CC2D1B: variants seen among roughly 807,000 people sequenced by gnomAD.
CC2D1B encodes the protein coiled-coil and C2 domain-containing protein 1B.
A neutral mutation model predicts 110.8 loss-of-function variants in CC2D1B; 92 were observed. The ratio of observed to expected loss-of-function variants is 0.83; its 90% CI spans 0.70 to 0.99. CC2D1B has a LOEUF of 0.99. CC2D1B is among the 50% of genes least tolerant of loss of function. CC2D1B has a pLI of 0.00. For synonymous variants in CC2D1B, 406 were observed against 429.2 expected (o/e 0.95, Z 0.67); for missense variants, 1,136 against 1,089.0 (o/e 1.04, Z -0.61).
chr1:52,359,346 G>A lies in CC2D1B; in HGVS notation c.1030C>T (p.Gln344Ter). 1.2e-6 allele frequency: 2 copies of A among 1,613,468 alleles called. No individual in the cohort carries two copies. The highest frequency in any genetic ancestry group is 1.7e-6 in the Non-Finnish European group (2 of 1,179,828). The change falls in exon 10 of 25, where the codon CAG becomes TAG. Residue 344 changes from glutamine to a stop codon, truncating the protein, a stop_gained. Transcript: ENST00000284376. LOFTEE classifies it high-confidence loss of function. ...MPPAPEDLKP[Q>*]QASQAPTAPS... ...GCTGTGGGAGCCTGAGAAGCCTGCT[G>A]GGGCTTCAGATCTGGGGGACCCAGA... is the stretch of plus-strand genomic sequence containing the variant.
intron 4 of CC2D1B, 138 bp from the exon 5 acceptor site, chr1:52,361,270 A>G: frequency 8.1e-7 from 1 of 1,235,444 alleles, no homozygotes; most frequent in East Asian, 2.4e-5. Context: ...TCACCAAAAC[A>G]TTTCTTTAAT....
chr1:52,353,714 C>A (rs1055371434), intron 23 of CC2D1B, 67 bp from the exon 24 acceptor site: 28 of 1,208,648 alleles, frequency 2.3e-5, no homozygotes, highest in Non-Finnish European at 3.2e-5. Context: ...CAGGTCCCTA[C>A]ATTCCCAGGA....
At chr1:52,358,598 T>C (rs1043661260) in intron 12 of CC2D1B, 88 bp downstream of exon 12, 2 of 1,564,934 alleles carry the variant, frequency 1.3e-6, no homozygotes, top group Admixed American at 3.4e-5. Flanking sequence ...GGCAGACGCA[T>C]GAGAAGTGGG....
rs776597873 is a variant in CC2D1B at position 52,361,652 on chromosome 1, C to A, written c.215-36G>T. 3.1e-6 allele frequency: 5 copies of A among 1,613,014 alleles called. No individual in the cohort carries two copies. In the South Asian group the frequency reaches 3.3e-5, roughly 11 times the overall value. The stretch of plus-strand genomic sequence containing the variant: ...AAGGTCACAACAAGTCAGCACAACT[C>A]AGATAAGTTCAGGGATGAGTAAAGG... On this transcript the variant is annotated intron_variant, in intron 3 of 24. Coordinates refer to ENST00000284376, the MANE Select transcript of CC2D1B (RefSeq NM_001330585.2).
At chr1:52,357,449 C>T in intron 15 of CC2D1B, 77 bp downstream of exon 15, 1 of 1,456,060 alleles carries the variant, frequency 6.9e-7, no homozygotes, top group Non-Finnish European at 9.3e-7. Context: ...AGAAGCTGCC[C>T]TTGTTCACAG....
chr1:52,361,781 C>T (rs905268181), intron 3 of CC2D1B, among the ~76,000 whole-genome samples, 165 bp from the exon 4 acceptor site: 1 of 152,118 alleles, frequency 6.6e-6, no homozygotes, highest in Non-Finnish European at 1.5e-5. Flanking sequence ...AAAAGACCCT[C>T]AACAGGGAAA....
chr1:52,362,821 C>T (rs1317063275), intron 2 of CC2D1B, 75 bp from the exon 3 acceptor site: 4 of 1,486,958 alleles, frequency 2.7e-6, no homozygotes, highest in African/African-American at 2.8e-5. Flanking sequence ...AGACTTGGGG[C>T]TCTCCAAGTC....
In CC2D1B at chr1:52,359,036, G is replaced by A. The variant is rs761905801; in HGVS notation, c.1248C>T (p.Arg416=). 4 of 1,606,464 alleles carry A rather than the reference G, an allele frequency of 2.5e-6. No homozygotes were observed. Among genetic ancestry groups the A allele is most frequent in the Non-Finnish European group, 3.4e-6 (4 of 1,179,916 alleles). ...GDERKARMHE[R]IAKQYQDAIR... is the part of the protein sequence containing the mutation. ...ATAGCCGCGGGCCCACCTTGGCAATGCGCTCATGCATCCGAGCCTTGCGCT... is the reference window on the plus strand; with the variant it reads ...ATAGCCGCGGGCCCACCTTGGCAATACGCTCATGCATCCGAGCCTTGCGCT... The change falls in exon 11 of 25, where the codon CGC becomes CGT. Residue 416 remains arginine, a synonymous_variant. Transcript: ENST00000284376.
At position 52,359,105 on chromosome 1, in the gene CC2D1B, G is replaced by C; in HGVS notation, c.1179C>G (p.Asn393Lys). 2 of 1,610,680 alleles carry C rather than the reference G, an allele frequency of 1.2e-6. No individual in the cohort carries two copies. The highest frequency in any genetic ancestry group is 1.3e-5 in the African/African-American group (1 of 75,078). ...CCTGGATGCCCGCCTCGCGGTACTTGTTCAGCCTCTGCTGCAGGGCATCCA... is the reference window on the plus strand; with the variant it reads ...CCTGGATGCCCGCCTCGCGGTACTTCTTCAGCCTCTGCTGCAGGGCATCCA... ...TVLDALQQRLNKYREAGIQAR... is the reference protein window; with the variant it reads ...TVLDALQQRLKKYREAGIQAR... The change falls in exon 11 of 25, where the codon AAC becomes AAG. Residue 393 changes from asparagine (N) to lysine (K), a missense_variant. By Grantham distance (94) the Asn-to-Lys change is moderately conservative. Coordinates refer to ENST00000284376, the MANE Select transcript of CC2D1B (RefSeq NM_001330585.2).
In CC2D1B at chr1:52,362,738, G is replaced by A. The variant is rs2147896963; in HGVS notation, c.78C>T (p.Leu26=). ...TGTCCTCAGGGCCAAACTCCATAAA[G>A]AGCCCCATCTGAGAGCAGAGCAGGA... The part of the protein sequence containing the change: ...QGVAAAKQMG[L]FMEFGPEDML... The change falls in exon 3 of 25, where the codon CTC becomes CTT. Residue 26 remains leucine (L), a synonymous_variant. Transcript: ENST00000284376. 6.2e-7 allele frequency: 1 copy of A among 1,614,034 alleles called. No homozygotes were observed. The highest frequency in any genetic ancestry group is 2.2e-5 in the East Asian group (1 of 44,872).
In CC2D1B at chr1:52,364,557, T is replaced by G. The variant is rs1237303726; in HGVS notation, c.64A>C (p.Lys22Gln). The G allele has an allele frequency of 6.2e-7, 1 of 1,600,996 alleles. No homozygotes were observed. Among genetic ancestry groups the G allele is most frequent in the Non-Finnish European group, 8.5e-7 (1 of 1,169,932 alleles). ...TAGAAGGCTAAGTTCCATACCTGCTTGGCAGCGGCCACCCCTTGGCCTCTG... is the reference window on the plus strand; with the variant it reads ...TAGAAGGCTAAGTTCCATACCTGCTGGGCAGCGGCCACCCCTTGGCCTCTG... ...QARGQGVAAAKQMGLFMEFGP... is the reference protein window; with the variant it reads ...QARGQGVAAAQQMGLFMEFGP... The change falls in exon 2 of 25, where the codon AAG (lysine) becomes CAG (glutamine). Residue 22 changes from lysine (K) to glutamine (Q), a missense_variant. Lys to Gln is a moderately conservative substitution (Grantham distance 53). Transcript: ENST00000284376.
intron 2 of CC2D1B, among the ~76,000 whole-genome samples, chr1:52,363,989 G>GT (rs991101368): frequency 6.6e-6 from 1 of 152,180 alleles, no homozygotes; most frequent in African/African-American, 2.4e-5. Context: ...CTTACATTCT[G>GT]TTTTTATCCC....
rs1358096701 is a variant in CC2D1B, at chr1:52,358,000, G to A, written c.1462-102C>T. 5 of 1,472,940 alleles carry A rather than the reference G, an allele frequency of 3.4e-6. No homozygotes were observed. In the African/African-American group the frequency reaches 5.7e-5, roughly 17 times the overall value. The allele number at this position is 1,472,940 out of a possible 1,614,324, so 91.2% of individuals were successfully genotyped here. On this transcript the variant is annotated intron_variant, in intron 13 of 24. Transcript: ENST00000284376. ...CTTCCTAACACTGTACTACATCGCT[G>A]TGTGACCTGAGATGGGTGGCTTCTC...
intron 8 of CC2D1B, 22 bp from the exon 9 acceptor site, chr1:52,359,556 G>A (rs758921010): frequency 1.2e-6 from 2 of 1,612,002 alleles, no homozygotes; most frequent in East Asian, 2.2e-5. Flanking sequence ...GGAAAAGCAG[G>A]TGTGGGTGAA....
chr1:52,354,588 G>A lies in CC2D1B; in HGVS notation c.2430+20C>T. ...CTTGTCGTACCAACCCCTTTGGCTT[G>A]CCCACACCCCAGCCCCTACCTCCAC... On this transcript the variant is annotated intron_variant, in intron 23 of 24. Transcript: ENST00000284376. 1 of 1,607,854 alleles carries A rather than the reference G, an allele frequency of 6.2e-7. No individual in the cohort carries two copies. Among genetic ancestry groups the A allele is most frequent in the Non-Finnish European group, 8.5e-7 (1 of 1,174,292 alleles).
chr1:52,356,409 G>C lies in CC2D1B; in HGVS notation c.1912C>G (p.Gln638Glu), dbSNP rs773771768. ...CLLFSKQFMH[Q>E]GNVAETTRFE... ...CGGGTGGTCTCAGCCACGTTGCCCT[G>C]GTGCATGAACTGCTTGGAGAACAGC... Residue 638 changes from glutamine to glutamate, a missense_variant, in exon 17 of 25, where the codon CAG becomes GAG. Physicochemically the swap from Gln to Glu is conservative, Grantham distance 29. Transcript: ENST00000284376. The C allele has an allele frequency of 2.0e-5, 32 of 1,614,076 alleles. No individual in the cohort carries two copies. Among genetic ancestry groups the C allele is most frequent in the Admixed American group, 1.5e-4 (9 of 60,002 alleles).
At position 52,354,809 on chromosome 1, in the gene CC2D1B, C is replaced by T. The variant is rs375797081; in HGVS notation, c.2339+31G>A. 34 of 1,605,934 alleles carry T rather than the reference C, an allele frequency of 2.1e-5. No homozygotes were observed. In the East Asian group the frequency reaches 2.2e-4, roughly 11 times the overall value. ...CAAACGCTCTTCCCTCCTCCCGGCC[C>T]GTGTGGCAGCATGACCGATAGGAGC... On this transcript the variant is annotated intron_variant, in intron 22 of 24. Coordinates refer to ENST00000284376, the MANE Select transcript of CC2D1B (RefSeq NM_001330585.2).
rs762383679 is a variant in CC2D1B at position 52,364,554 on chromosome 1, G to A, written c.67C>T (p.Gln23Ter). Reference sequence around the variant, plus strand: ...GCCTAGAAGGCTAAGTTCCATACCTGCTTGGCAGCGGCCACCCCTTGGCCT... The same window carrying A: ...GCCTAGAAGGCTAAGTTCCATACCTACTTGGCAGCGGCCACCCCTTGGCCT... Reference protein sequence around the residue: ...ARGQGVAAAKQMGLFMEFGPE... With the variant: ...ARGQGVAAAK The change falls in exon 2 of 25, where the codon CAG (glutamine) becomes TAG (stop). Residue 23 changes from glutamine to a stop codon, truncating the protein, a stop_gained and splice_region_variant. Transcript: ENST00000284376. LOFTEE classifies it high-confidence loss of function. 1.2e-5 allele frequency: 20 copies of A among 1,600,238 alleles called. No homozygotes were observed. The African/African-American group carries it at 2.5e-4, about 20-fold the overall frequency.
In CC2D1B at chr1:52,352,840, CAT is replaced by C. The variant is rs1646554432; in HGVS notation, c.*383_*384del. The C allele has an allele frequency of 1.8e-5, 3 of 163,064 alleles. No homozygotes were observed. The Admixed American group carries it at 1.9e-4, about 10-fold the overall frequency. 10.1% of individuals were successfully genotyped at this position (163,064 alleles called of 1,614,324 possible). A position where few individuals can be genotyped will look rare whatever the true frequency, so the allele number is the denominator to read the frequency against. On this transcript the variant is annotated 3_prime_UTR_variant, in exon 25 of 25. Coordinates refer to ENST00000284376, the MANE Select transcript of CC2D1B (RefSeq NM_001330585.2). ...CGATCACCCTCAAGTTCTCCCATCCCATAGTTAGATCTTTTAAAGGCACATCT... is the reference window on the plus strand; with the variant it reads ...CGATCACCCTCAAGTTCTCCCATCCCAGTTAGATCTTTTAAAGGCACATCT...
Sources: gnomAD v4.1 joint callset for allele counts (sites outside exome capture counted in the v4.1 genomes callset) on GRCh38, gnomAD v4.1.1 for gene constraint, MANE v1.5 for transcripts, NCBI Gene and HGNC (gene_info 2026-07-23, HGNC 2026-07-21) for gene names.